Variants in ZNF664 observed in about 807,000 individuals in gnomAD.
ZNF664 encodes the protein zinc finger protein 664.
Under a neutral mutation model 18.2 loss-of-function variants are expected in ZNF664, and 10 were observed. The ratio of observed to expected loss-of-function variants is 0.55; its 90% CI spans 0.34 to 0.93. ZNF664 has a LOEUF of 0.93. Ranked by LOEUF, ZNF664 falls within the 40% of genes least tolerant of loss-of-function variation. The pLI is 0.02. For synonymous variants in ZNF664, 119 were observed against 104.2 expected (o/e 1.14, Z -0.86); for missense variants, 193 against 319.0 (o/e 0.61, Z 3.01).
intron 2 of ZNF664, among the ~76,000 whole-genome samples, chr12:123,984,501 G>A (rs762293399): frequency 2.0e-5 from 3 of 152,120 alleles, no homozygotes; most frequent in Non-Finnish European, 4.4e-5. Flanking sequence ...GCTAGAGAAG[G>A]CCTGGGATTA....
chr12:124,004,320 A>G (rs977447299), intron 3 of ZNF664, among the ~76,000 whole-genome samples: 6 of 152,228 alleles, frequency 3.9e-5, no homozygotes, highest in Admixed American at 6.5e-5. Context: ...TAGTAGGACA[A>G]AGATTGAAAG....
rs1357749148 is a variant in ZNF664, at chr12:123,981,204, T to C, written c.-756-6839T>C. Among the ~76,000 whole-genome samples, 3 of 152,152 alleles carry C rather than the reference T, an allele frequency of 2.0e-5. No homozygotes were observed. In the South Asian group the frequency reaches 6.2e-4, roughly 32 times the overall value. ...GAAGAGAGTGGCTAGACCTTTGTGA[T>C]GGGGGGAAGTCAATGATATTGACTT... On this transcript the variant is annotated intron_variant, in intron 2 of 4. Coordinates refer to ENST00000337815, the MANE Select transcript of ZNF664 (RefSeq NM_152437.3).
In ZNF664 at chr12:123,973,223, C is replaced by G. The variant is rs1297815463; in HGVS notation, c.-1021C>G. ...CTCGTGCGTGCGCACGCGCGCTGTC[C>G]CCCGGAGGCGTCTGGGTGTGCGGAG... is the stretch of plus-strand genomic sequence containing the variant. On this transcript the variant is annotated 5_prime_UTR_variant, in exon 1 of 5. Coordinates refer to ENST00000337815, the MANE Select transcript of ZNF664 (RefSeq NM_152437.3). 6.6e-5 allele frequency: 65 copies of G among 985,954 alleles called. No individual in the cohort carries two copies. The highest frequency in any genetic ancestry group is 7.4e-5 in the Non-Finnish European group (62 of 832,576). The allele number at this position is 985,954 out of a possible 1,614,324, so 61.1% of individuals were successfully genotyped here. A position where few individuals can be genotyped will look rare whatever the true frequency, so the allele number is the denominator to read the frequency against.
intron 3 of ZNF664, among the ~76,000 whole-genome samples, chr12:123,993,443 C>CT (rs1183281906): frequency 6.6e-6 from 1 of 152,190 alleles, no homozygotes; most frequent in Non-Finnish European, 1.5e-5. Context: ...TTAAGTTATT[C>CT]TAAGGCAAAT....
Position 124,011,754 on chromosome 12 carries a change from T to C in ZNF664, c.-391T>C, listed in dbSNP as rs535007831. 3 of 1,072,166 alleles carry C rather than the reference T, an allele frequency of 2.8e-6. No homozygotes were observed. The African/African-American group carries it at 5.1e-5, about 18-fold the overall frequency. 66.4% of individuals were successfully genotyped at this position (1,072,166 alleles called of 1,614,324 possible). A position where few individuals can be genotyped will look rare whatever the true frequency, so the allele number is the denominator to read the frequency against. On this transcript the variant is annotated 5_prime_UTR_variant, in exon 5 of 5. Transcript: ENST00000337815. ...CAGGGGATATACTGTACAGTCCTTT[T>C]TCTAGAAGTGAGACATACAAGATTA... is the stretch of plus-strand genomic sequence containing the variant.
At chr12:123,985,053 G>A (rs546615496) in intron 2 of ZNF664, among the ~76,000 whole-genome samples, 1 of 152,070 alleles carries the variant, frequency 6.6e-6, no homozygotes, top group African/African-American at 2.4e-5. Context: ...GAGCAGTTTT[G>A]TAGTGGGGGT....
At chr12:124,010,633 T>C (rs1255256967) in intron 3 of ZNF664, among the ~76,000 whole-genome samples, 1 of 152,160 alleles carries the variant, frequency 6.6e-6, no homozygotes, top group Admixed American at 6.5e-5. Flanking sequence ...CAGAAAATAT[T>C]CATTGAACAC....
At chr12:123,977,462 C>CAAAAAAAAAA in intron 2 of ZNF664, among the ~76,000 whole-genome samples, 1 of 94,166 alleles carries the variant, frequency 1.1e-5, no homozygotes, top group Non-Finnish European at 2.2e-5. Context: ...CTAAAATGGC[C>CAAAAAAAAAA]AAAAAAAAAA....
At chr12:123,992,029 C>T (rs966234070) in intron 3 of ZNF664, among the ~76,000 whole-genome samples, 1 of 152,170 alleles carries the variant, frequency 6.6e-6, no homozygotes, top group Non-Finnish European at 1.5e-5. Flanking sequence ...TTCCGCAGGA[C>T]AAAATGAAGC....
chr12:124,009,900 T>TA (rs1268220333), intron 3 of ZNF664, among the ~76,000 whole-genome samples: 3 of 143,938 alleles, frequency 2.1e-5, no homozygotes, highest in East Asian at 2.0e-4. Context: ...TTTTTTTTTT[T>TA]AACTTAACAG....
intron 3 of ZNF664, among the ~76,000 whole-genome samples, chr12:123,997,299 A>C (rs1956961341): frequency 6.6e-6 from 1 of 152,294 alleles, no homozygotes; most frequent in East Asian, 1.9e-4. Flanking sequence ...TTTCACTGAG[A>C]GCATGCCACA....
chr12:124,000,674 C>T (rs976051532), intron 3 of ZNF664, among the ~76,000 whole-genome samples: 1 of 152,168 alleles, frequency 6.6e-6, no homozygotes, highest in Non-Finnish European at 1.5e-5. Flanking sequence ...TAGTCATTAG[C>T]CCCTCTGTCT....
rs187782684 is a variant in ZNF664, at chr12:124,013,104, T to G, written c.*174T>G. The stretch of plus-strand genomic sequence containing the variant: ...GTTCATGCCAAGTGTGTTCCACAGG[T>G]TGACTTTGAATGTGGACCTCTGAGC... On this transcript the variant is annotated 3_prime_UTR_variant, in exon 5 of 5. Coordinates refer to ENST00000337815, the MANE Select transcript of ZNF664 (RefSeq NM_152437.3). 1.0e-6 allele frequency: 1 copy of G among 953,838 alleles called. No individual in the cohort carries two copies. The highest frequency in any genetic ancestry group is 2.9e-5 in the Admixed American group (1 of 34,070). 59.1% of individuals were successfully genotyped at this position (953,838 alleles called of 1,614,324 possible).
Position 124,011,932 on chromosome 12 carries a change from A to G in ZNF664, c.-213A>G, listed in dbSNP as rs1437904223. 1 of 1,383,364 alleles carries G rather than the reference A, an allele frequency of 7.2e-7. No individual in the cohort carries two copies. Among genetic ancestry groups the G allele is most frequent in the Non-Finnish European group, 9.3e-7 (1 of 1,076,310 alleles). The allele number at this position is 1,383,364 out of a possible 1,614,324, so 85.7% of individuals were successfully genotyped here. A position where few individuals can be genotyped will look rare whatever the true frequency, so the allele number is the denominator to read the frequency against. ...AGTCAATGTCACTTTATAATCGATAATAATACTGAGTGAGGAACACTATGC... is the reference window on the plus strand; with the variant it reads ...AGTCAATGTCACTTTATAATCGATAGTAATACTGAGTGAGGAACACTATGC... On this transcript the variant is annotated 5_prime_UTR_variant, in exon 5 of 5. It removes the in-frame stop codon of an upstream open reading frame in the 5' UTR. Coordinates refer to ENST00000337815, the MANE Select transcript of ZNF664 (RefSeq NM_152437.3).
At position 124,014,968 on chromosome 12, in the gene ZNF664, C is replaced by T. The variant is rs1424540700; in HGVS notation, c.*2038C>T. ...GCTGGCTTAGTTATTTGCCAAAGCCCCTTCCAGGCCTGAATTCCACAAGTA... is the reference window on the plus strand; with the variant it reads ...GCTGGCTTAGTTATTTGCCAAAGCCTCTTCCAGGCCTGAATTCCACAAGTA... On this transcript the variant is annotated 3_prime_UTR_variant, in exon 5 of 5. Transcript: ENST00000337815. 1 of 167,092 alleles carries T rather than the reference C, an allele frequency of 6.0e-6. No individual in the cohort carries two copies. The highest frequency in any genetic ancestry group is 1.5e-5 in the Non-Finnish European group (1 of 68,128). The allele number at this position is 167,092 out of a possible 1,614,324, so 10.4% of individuals were successfully genotyped here. A position where few individuals can be genotyped will look rare whatever the true frequency, so the allele number is the denominator to read the frequency against.
chr12:123,996,254 A>G (rs34102591), intron 3 of ZNF664, among the ~76,000 whole-genome samples: 25,252 of 152,220 alleles, frequency 0.17, 2,120 homozygotes, highest in Middle Eastern at 0.18. Context: ...GGGTTGAACA[A>G]CTTGCTTGAG....
Position 123,995,934 on chromosome 12 carries a change from G to A in ZNF664, c.-661+7796G>A, listed in dbSNP as rs567680673. ...GGGGATCTTGTCCTTCACAAGGGAG[G>A]ATAGAAGAGCACCCTGATTTATCAG... On this transcript the variant is annotated intron_variant, in intron 3 of 4. Coordinates refer to ENST00000337815, the MANE Select transcript of ZNF664 (RefSeq NM_152437.3). Among the ~76,000 whole-genome samples, 7 of 152,280 alleles carry A rather than the reference G, an allele frequency of 4.6e-5. No individual in the cohort carries two copies. The South Asian group carries it at 1.5e-3, about 32-fold the overall frequency.
At chr12:123,981,524 G>T (rs1339324184) in intron 2 of ZNF664, among the ~76,000 whole-genome samples, 3 of 152,180 alleles carry the variant, frequency 2.0e-5, no homozygotes, top group Non-Finnish European at 4.4e-5. Context: ...TCTTTGGAGA[G>T]TCCCCACCAG....
At chr12:123,994,573 G>A (rs1351883496) in intron 3 of ZNF664, among the ~76,000 whole-genome samples, 1 of 152,188 alleles carries the variant, frequency 6.6e-6, no homozygotes, top group African/African-American at 2.4e-5. Context: ...GCAATATGTT[G>A]TTTTGGTTGA....
Sources: allele counts gnomAD v4.1 joint callset (sites outside exome capture counted in the v4.1 genomes callset), GRCh38; gene constraint gnomAD v4.1.1; transcripts MANE v1.5; gene names NCBI Gene and HGNC (gene_info 2026-07-23, HGNC 2026-07-21).